ZNF322: variants seen among roughly 807,000 people sequenced by gnomAD.
The protein encoded by ZNF322 is HLA complex group 12.
In ZNF322, 1 loss-of-function variant was observed where a neutral mutation model predicts 18.3. The observed-to-expected ratio is 0.05, with a 90% confidence interval of 0.02 to 0.26. The LOEUF (loss-of-function observed/expected upper bound fraction) is 0.26, where lower values mean the gene tolerates loss of function less well. Ranked by LOEUF, ZNF322 falls within the 10% of genes least tolerant of loss-of-function variation. The pLI is 1.00. For missense variants in ZNF322, 36 were observed against 403.6 expected, an observed-to-expected ratio of 0.09 and a Z score of 7.80; for synonymous variants, 17 against 130.7, an observed-to-expected ratio of 0.13 and a Z score of 5.93.
intron 2 of ZNF322, among the ~76,000 whole-genome samples, chr6:26,654,032 G>A (rs1765719655): frequency 6.6e-6 from 1 of 152,130 alleles, no homozygotes; most frequent in Admixed American, 6.5e-5. Flanking sequence ...ACTCGAATCA[G>A]TACAGATTTT....
At chr6:26,659,025 A>G (rs1554149932) in intron 1 of ZNF322, among the ~76,000 whole-genome samples, 1 of 152,216 alleles carries the variant, frequency 6.6e-6, no homozygotes, top group South Asian at 2.1e-4. Context: ...AGTGCATGTG[A>G]TAAGTGTATA....
intron 3 of ZNF322, among the ~76,000 whole-genome samples, chr6:26,642,495 C>T (rs782494841): frequency 5.3e-5 from 8 of 152,272 alleles, no homozygotes; most frequent in South Asian, 2.1e-4. Flanking sequence ...GGGGTAGGCC[C>T]CCTTCAGAAA....
intron 2 of ZNF322, among the ~76,000 whole-genome samples, chr6:26,644,017 T>TTGAAAACACGAAGGCATTATC (rs1332564632): frequency 6.6e-6 from 1 of 152,188 alleles, no homozygotes; most frequent in African/African-American, 2.4e-5. Context: ...TGGTGGTATC[T>TTGAAAACACGAAGGCATTATC]TGAAAACACG....
intron 2 of ZNF322, among the ~76,000 whole-genome samples, chr6:26,644,460 A>G (rs1352953770): frequency 6.6e-6 from 1 of 152,310 alleles, no homozygotes; most frequent in East Asian, 1.9e-4. Flanking sequence ...TATTAAAATG[A>G]CATGTTTTAT....
At position 26,658,587 on chromosome 6, in the gene ZNF322, CT is replaced by C; in HGVS notation, c.-276del. On this transcript the variant is annotated 5_prime_UTR_variant, in exon 2 of 4. Coordinates refer to ENST00000415922, the MANE Select transcript of ZNF322 (RefSeq NM_024639.5). ...ACAAGAAAGACTCAAGACCATCTTC[CT>C]TTTGGTTTCAAAAGGTCTCTAGTTC... 1 of 166,778 alleles carries C rather than the reference CT, an allele frequency of 6.0e-6. No individual in the cohort carries two copies. The highest frequency in any genetic ancestry group is 1.9e-4 in the East Asian group (1 of 5,194). 10.3% of individuals were successfully genotyped at this position (166,778 alleles called of 1,614,324 possible).
intron 2 of ZNF322, among the ~76,000 whole-genome samples, chr6:26,648,020 G>C (rs1020475047): frequency 3.3e-5 from 5 of 151,794 alleles, no homozygotes; most frequent in Non-Finnish European, 7.4e-5. Context: ...CTGGGGTATA[G>C]GTACACACCA....
intron 2 of ZNF322, among the ~76,000 whole-genome samples, chr6:26,649,902 C>T (rs1268187376): frequency 6.6e-6 from 1 of 150,934 alleles, no homozygotes; most frequent in African/African-American, 2.4e-5. Flanking sequence ...GGGGTCTCTC[C>T]ATGTTGGTCA....
At chr6:26,656,125 T>C (rs528122261) in intron 2 of ZNF322, among the ~76,000 whole-genome samples, 43 of 152,356 alleles carry the variant, frequency 2.8e-4, no homozygotes, top group African/African-American at 9.1e-4. Flanking sequence ...AATTAAAAGG[T>C]ATTTTATTTT....
intron 2 of ZNF322, chr6:26,650,466 TA>T: frequency 6.6e-6 from 1 of 152,010 alleles, no homozygotes; most frequent in South Asian, 2.1e-4. Context: ...GAAAAGGAAA[TA>T]AAAGGTATAG....
At chr6:26,652,699 A>AG (rs1237013111) in intron 2 of ZNF322, among the ~76,000 whole-genome samples, 1 of 152,084 alleles carries the variant, frequency 6.6e-6, no homozygotes, top group African/African-American at 2.4e-5. Flanking sequence ...TCAAAAAAAA[A>AG]AAAAAAATTG....
At chr6:26,653,887 T>C (rs1359231717) in intron 2 of ZNF322, among the ~76,000 whole-genome samples, 2 of 152,024 alleles carry the variant, frequency 1.3e-5, no homozygotes, top group Non-Finnish European at 2.9e-5. Flanking sequence ...ATGAACTAAA[T>C]AGTCAAGATG....
Position 26,638,210 on chromosome 6 carries a change from G to A in ZNF322, c.344C>T (p.Ser115Leu). The A allele has an allele frequency of 6.2e-7, 1 of 1,613,874 alleles. No homozygotes were observed. ...ACCTGCATGTGTTCTCTGATGTCCT[G>A]AAAGCGCTAAGTGATGCCAAAAGCT... Reference protein sequence around the residue: ...EKSFWHHLALSGHQRTHAGKK... With the variant: ...EKSFWHHLALLGHQRTHAGKK... The change falls in exon 4 of 4, where the codon TCA becomes TTA. Residue 115 changes from serine (S) to leucine (L), a missense_variant. Transcript: ENST00000415922.
intron 2 of ZNF322, among the ~76,000 whole-genome samples, chr6:26,650,707 A>G (rs1554149123): frequency 6.6e-6 from 1 of 152,228 alleles, no homozygotes; most frequent in Non-Finnish European, 1.5e-5. Context: ...CTAAAAAATA[A>G]AACATCTTAA....
intron 2 of ZNF322, among the ~76,000 whole-genome samples, chr6:26,655,227 T>A (rs1765747306): frequency 6.6e-6 from 1 of 152,234 alleles, no homozygotes; most frequent in Non-Finnish European, 1.5e-5. Flanking sequence ...TTTCTTTTTG[T>A]CTTAAACAAC....
intron 1 of ZNF322, among the ~76,000 whole-genome samples, chr6:26,659,192 G>A (rs966075755): frequency 6.6e-6 from 1 of 152,046 alleles, no homozygotes; most frequent in Non-Finnish European, 1.5e-5. Context: ...TTTTTTCCTC[G>A]ATATATATGA....
intron 2 of ZNF322, among the ~76,000 whole-genome samples, chr6:26,657,842 C>T (rs1379843397): frequency 6.6e-6 from 1 of 151,998 alleles, no homozygotes; most frequent in African/African-American, 2.4e-5. Context: ...CTCCAGGGTA[C>T]CCTCCTTCAG....
chr6:26,640,531 G>A (rs1765448352), intron 3 of ZNF322, among the ~76,000 whole-genome samples: 1 of 152,084 alleles, frequency 6.6e-6, no homozygotes, highest in African/African-American at 2.4e-5. Context: ...TGCTCAACAG[G>A]CATATTCTCA....
At chr6:26,645,141 A>G (rs1266766207) in intron 2 of ZNF322, among the ~76,000 whole-genome samples, 5 of 152,020 alleles carry the variant, frequency 3.3e-5, no homozygotes, top group Non-Finnish European at 5.9e-5. Flanking sequence ...AAAAAAAAGG[A>G]AAATATCTCT....
chr6:26,643,968 A>AT (rs1214973095), intron 2 of ZNF322, among the ~76,000 whole-genome samples: 2 of 152,216 alleles, frequency 1.3e-5, no homozygotes, highest in South Asian at 2.1e-4. Context: ...CTTTGCAACT[A>AT]TAACAACATT....
Sources: allele counts gnomAD v4.1 joint callset (sites outside exome capture counted in the v4.1 genomes callset), GRCh38; gene constraint gnomAD v4.1.1; transcripts MANE v1.5; gene names NCBI Gene and HGNC (gene_info 2026-07-23, HGNC 2026-07-21).